Variants in AUTS2 observed in about 807,000 individuals in gnomAD.
AUTS2 encodes activator of transcription and developmental regulator AUTS2.
Under a neutral mutation model 112.4 loss-of-function variants are expected in AUTS2, and 17 were observed. The observed-to-expected ratio is 0.15, with a 90% CI of 0.10 to 0.23. The LOEUF is 0.23. Ranked by LOEUF, AUTS2 falls within the 10% of genes least tolerant of loss-of-function variation. AUTS2 has a pLI of 1.00. For synonymous variants in AUTS2, 751 were observed against 702.7 expected (o/e 1.07, Z -1.09); for missense variants, 1,510 against 1,701.6 (o/e 0.89, Z 1.98).
At chr7:70,056,832 T>C (rs769616315) in intron 2 of AUTS2, among the ~76,000 whole-genome samples, 36 of 152,144 alleles carry the variant, frequency 2.4e-4, no homozygotes, top group Non-Finnish European at 4.9e-4. Context: ...CTGATTCAGT[T>C]TAAGATATTT....
chr7:69,663,498 T>C (rs1795895901), intron 1 of AUTS2, among the ~76,000 whole-genome samples: 1 of 152,224 alleles, frequency 6.6e-6, no homozygotes, highest in South Asian at 2.1e-4. Context: ...CTGAATTACA[T>C]TGAATTCATT....
chr7:70,058,180 A>G (rs757642168), intron 2 of AUTS2, among the ~76,000 whole-genome samples: 7 of 152,170 alleles, frequency 4.6e-5, no homozygotes, highest in Non-Finnish European at 8.8e-5. Flanking sequence ...TTCTTTTTTT[A>G]TCTTGTGATT....
In AUTS2 at chr7:69,923,011, A is replaced by G. The variant is rs114922484; in HGVS notation, c.522+23513A>G. On this transcript the variant is annotated intron_variant, in intron 2 of 18. Coordinates refer to ENST00000342771, the MANE Select transcript of AUTS2 (RefSeq NM_015570.4). ...GTGCTTAACCAGTTGTTACAATATC[A>G]GTTATCACAGATTGGTATGCGTTGG... 3.1e-3 allele frequency among the ~76,000 whole-genome samples: 477 copies of G among 152,332 alleles called. 3 individuals are homozygous for G. The highest frequency in any genetic ancestry group is 0.011 in the African/African-American group (470 of 41,578).
chr7:70,439,212 A>G lies in AUTS2; in HGVS notation c.690+3431A>G, dbSNP rs538863160. ...TCCCAGCCACGTGAATACATTGCACATTAATGTCAGATAACCACAAGGACG... is the reference window on the plus strand; with the variant it reads ...TCCCAGCCACGTGAATACATTGCACGTTAATGTCAGATAACCACAAGGACG... On this transcript the variant is annotated intron_variant, in intron 5 of 18. Transcript: ENST00000342771. 3.3e-4 allele frequency among the ~76,000 whole-genome samples: 51 copies of G among 152,314 alleles called. 1 individual carries two copies. Among genetic ancestry groups the G allele is most frequent in the African/African-American group, 1.2e-3 (48 of 41,582 alleles).
At chr7:70,683,642 A>G (rs1046125267) in intron 5 of AUTS2, among the ~76,000 whole-genome samples, 6 of 152,262 alleles carry the variant, frequency 3.9e-5, no homozygotes, top group Admixed American at 2.0e-4. Flanking sequence ...CAGAAGAAGA[A>G]ATTTCTGGTG....
At chr7:70,758,757 G>T (rs1461822346) in intron 6 of AUTS2, among the ~76,000 whole-genome samples, 1 of 152,114 alleles carries the variant, frequency 6.6e-6, no homozygotes. Context: ...GCAATACCAA[G>T]CGATTTCTTA....
At position 70,792,204 on chromosome 7, in the gene AUTS2, C is replaced by T. The variant is rs1792011384; in HGVS notation, c.*1208C>T. The T allele has an allele frequency of 6.6e-6, 1 of 152,502 alleles. No homozygotes were observed. Among genetic ancestry groups the T allele is most frequent in the Admixed American group, 6.5e-5 (1 of 15,270 alleles). 9.4% of individuals were successfully genotyped at this position (152,502 alleles called of 1,614,324 possible). ...TCTGGGAACAGCCGTAACAGGTCAACCTTGTGGAGCCATCGCGAGTTAGAG... is the reference window on the plus strand; with the variant it reads ...TCTGGGAACAGCCGTAACAGGTCAATCTTGTGGAGCCATCGCGAGTTAGAG... On this transcript the variant is annotated 3_prime_UTR_variant, in exon 19 of 19. Transcript: ENST00000342771.
At position 69,672,000 on chromosome 7, in the gene AUTS2, G is replaced by C. The variant is rs903832458; in HGVS notation, c.309+72038G>C. Among the ~76,000 whole-genome samples the C allele has an allele frequency of 8.6e-5, 13 of 151,986 alleles. 1 individual carries two copies. Among genetic ancestry groups the C allele is most frequent in the African/African-American group, 3.1e-4 (13 of 41,400 alleles). On this transcript the variant is annotated intron_variant, in intron 1 of 18. Coordinates refer to ENST00000342771, the MANE Select transcript of AUTS2 (RefSeq NM_015570.4). Reference sequence around the variant, plus strand: ...GCAGGGTCTGAGGCAGTAGGTTGAGGGGGGGTCCCATATTCAGCTTCCCAG... The same window carrying C: ...GCAGGGTCTGAGGCAGTAGGTTGAGCGGGGGTCCCATATTCAGCTTCCCAG...
intron 1 of AUTS2, among the ~76,000 whole-genome samples, chr7:69,760,549 C>T (rs1434393124): frequency 7.9e-5 from 12 of 152,188 alleles, no homozygotes; most frequent in African/African-American, 1.4e-4. Flanking sequence ...GTGTGTCGGG[C>T]GCGGTGGCTC....
At chr7:69,855,780 C>G (rs1792693383) in intron 1 of AUTS2, among the ~76,000 whole-genome samples, 1 of 152,114 alleles carries the variant, frequency 6.6e-6, no homozygotes, top group South Asian at 2.1e-4. Context: ...CCGTAAAGAA[C>G]AAACAAGGGG....
At chr7:70,496,542 A>G (rs527500925) in intron 5 of AUTS2, among the ~76,000 whole-genome samples, 1 of 122,806 alleles carries the variant, frequency 8.1e-6, no homozygotes, top group Admixed American at 8.2e-5. Flanking sequence ...CACACCACGT[A>G]CACAGTCAGA....
At chr7:69,786,557 A>G (rs1228236606) in intron 1 of AUTS2, among the ~76,000 whole-genome samples, 1 of 152,130 alleles carries the variant, frequency 6.6e-6, no homozygotes, top group Non-Finnish European at 1.5e-5. Flanking sequence ...TTCACTCTAA[A>G]TCTTGCTGCT....
rs377061734 is a variant in AUTS2 at position 70,757,091 on chromosome 7, A to G, written c.743-5779A>G. ...TAGTATCCTCCAATGGGAACTATCT[A>G]TTACGTGACTGACTTAGTTCGCGCT... On this transcript the variant is annotated intron_variant, in intron 6 of 18. Coordinates refer to ENST00000342771, the MANE Select transcript of AUTS2 (RefSeq NM_015570.4). 1.1e-4 allele frequency among the ~76,000 whole-genome samples: 17 copies of G among 152,324 alleles called. 1 individual carries two copies. In the South Asian group the frequency reaches 3.5e-3, roughly 32 times the overall value.
At chr7:69,930,165 C>T (rs1796173043) in intron 2 of AUTS2, among the ~76,000 whole-genome samples, 1 of 152,174 alleles carries the variant, frequency 6.6e-6, no homozygotes. Context: ...AGGCACTGTT[C>T]AGAGTCCTGT....
At chr7:70,588,641 G>C (rs977769839) in intron 5 of AUTS2, among the ~76,000 whole-genome samples, 3 of 152,190 alleles carry the variant, frequency 2.0e-5, no homozygotes, top group Non-Finnish European at 2.9e-5. Flanking sequence ...TTCCGCTGTT[G>C]CCTTTCAACA....
chr7:69,959,038 A>G (rs1177242708), intron 2 of AUTS2, among the ~76,000 whole-genome samples: 1 of 152,172 alleles, frequency 6.6e-6, no homozygotes, highest in South Asian at 2.1e-4. Context: ...ATTAGTAATC[A>G]GTTGTCTCAA....
At chr7:69,739,109 T>C (rs1401646302) in intron 1 of AUTS2, among the ~76,000 whole-genome samples, 1 of 152,028 alleles carries the variant, frequency 6.6e-6, no homozygotes, top group Admixed American at 6.6e-5. Context: ...GAATAGGATA[T>C]AAAACCAATC....
intron 5 of AUTS2, among the ~76,000 whole-genome samples, chr7:70,514,384 G>A (rs1211606447): frequency 6.6e-6 from 1 of 152,172 alleles, no homozygotes; most frequent in Non-Finnish European, 1.5e-5. Context: ...GTACAAGCAT[G>A]GCACCAGCAT....
intron 5 of AUTS2, among the ~76,000 whole-genome samples, chr7:70,665,455 T>TTATCTATC (rs1403149105): frequency 6.7e-6 from 1 of 150,320 alleles, no homozygotes; most frequent in Non-Finnish European, 1.5e-5. Context: ...ATTTATCTAT[T>TTATCTATC]TATTTATTTA....
Sources: gnomAD v4.1 joint callset for allele counts (sites outside exome capture counted in the v4.1 genomes callset) on GRCh38, gnomAD v4.1.1 for gene constraint, MANE v1.5 for transcripts, NCBI Gene and HGNC (gene_info 2026-07-23, HGNC 2026-07-21) for gene names.